The following OXSR1 variants were observed in gnomAD, a reference collection of about 807,000 sequenced individuals.
The protein encoded by OXSR1 is serine/threonine-protein kinase OSR1.
Under a neutral mutation model 79.8 loss-of-function variants are expected in OXSR1, and 24 were observed. The observed-to-expected ratio is 0.30, with a 90% CI of 0.22 to 0.42. The LOEUF is 0.42. Ranked by LOEUF, OXSR1 falls within the 10% of genes least tolerant of loss-of-function variation. The pLI is 1.00. For synonymous variants in OXSR1, 226 were observed against 209.2 expected (o/e 1.08, Z -0.69); for missense variants, 430 against 618.4 (o/e 0.70, Z 3.23).
chr3:38,195,070 T>G (rs572479230), intron 3 of OXSR1, among the ~76,000 whole-genome samples: 1 of 152,336 alleles, frequency 6.6e-6, no homozygotes, highest in Admixed American at 6.5e-5. Context: ...AACTGTCATG[T>G]TGAATGTTGG....
chr3:38,245,404 A>G (rs1703119644), intron 12 of OXSR1, among the ~76,000 whole-genome samples: 2 of 152,202 alleles, frequency 1.3e-5, no homozygotes, highest in Non-Finnish European at 2.9e-5. Flanking sequence ...TTTAGTTTTA[A>G]AGCATCACAT....
chr3:38,168,932 C>T (rs892895832), intron 1 of OXSR1, among the ~76,000 whole-genome samples: 2 of 152,198 alleles, frequency 1.3e-5, no homozygotes, highest in Admixed American at 6.5e-5. Context: ...TGAGTATTCA[C>T]ATCAAGTCAC....
intron 3 of OXSR1, among the ~76,000 whole-genome samples, chr3:38,196,898 A>C (rs780450413): frequency 7.2e-5 from 11 of 152,218 alleles, no homozygotes; most frequent in Non-Finnish European, 1.2e-4. Flanking sequence ...TCCAGTAGGA[A>C]TTGGTTTTCC....
At chr3:38,251,697 G>A (rs974219797) in intron 16 of OXSR1, among the ~76,000 whole-genome samples, 1 of 152,154 alleles carries the variant, frequency 6.6e-6, no homozygotes, top group Non-Finnish European at 1.5e-5. Flanking sequence ...CACACCCAAG[G>A]TCTTTAGGAG....
chr3:38,204,816 C>G (rs1702236222), intron 4 of OXSR1, among the ~76,000 whole-genome samples: 2 of 149,742 alleles, frequency 1.3e-5, no homozygotes. Flanking sequence ...CTTGGCTGCC[C>G]CATTGGTGTC....
chr3:38,186,293 A>G (rs1334322745), intron 2 of OXSR1, among the ~76,000 whole-genome samples: 1 of 152,196 alleles, frequency 6.6e-6, no homozygotes, highest in Non-Finnish European at 1.5e-5. Flanking sequence ...TAGGAAGTTT[A>G]GTTTTATAAT....
rs1034802807 is a variant in OXSR1 at position 38,166,076 on chromosome 3, G to C, written c.70+130G>C. ...TCGTGGGGCGCTTGTGGGGCTGGGG[G>C]CTTGTAGGACGCTTGTGTCGAGGAG... is the stretch of plus-strand genomic sequence containing the variant. On this transcript the variant is annotated intron_variant, in intron 1 of 17. Coordinates refer to ENST00000311806, the MANE Select transcript of OXSR1 (RefSeq NM_005109.3). 6.0e-6 allele frequency: 5 copies of C among 826,594 alleles called. No homozygotes were observed. The Admixed American group carries it at 1.0e-4, about 17-fold the overall frequency. 51.2% of individuals were successfully genotyped at this position (826,594 alleles called of 1,614,324 possible). A position where few individuals can be genotyped will look rare whatever the true frequency, so the allele number is the denominator to read the frequency against.
chr3:38,193,348 T>G, intron 3 of OXSR1: 1 of 1,288,812 alleles, frequency 7.8e-7, no homozygotes, highest in East Asian at 5.6e-5. Flanking sequence ...GAAGCTTTGC[T>G]AACACCAACC....
intron 10 of OXSR1, among the ~76,000 whole-genome samples, chr3:38,233,741 C>T (rs1702859810): frequency 6.6e-6 from 1 of 151,546 alleles, no homozygotes; most frequent in Non-Finnish European, 1.5e-5. Flanking sequence ...AGGCAAGACC[C>T]AGACTCTACC....
At chr3:38,222,376 A>G (rs1353187103) in intron 6 of OXSR1, among the ~76,000 whole-genome samples, 2 of 152,190 alleles carry the variant, frequency 1.3e-5, no homozygotes, top group Admixed American at 1.3e-4. Flanking sequence ...CCTTGAGAAG[A>G]TAAGATTGGC....
chr3:38,217,605 G>A (rs1179609921), intron 5 of OXSR1, among the ~76,000 whole-genome samples: 1 of 152,112 alleles, frequency 6.6e-6, no homozygotes, highest in Non-Finnish European at 1.5e-5. Context: ...TTGGCTCACT[G>A]CAACCTGTGC....
intron 1 of OXSR1, among the ~76,000 whole-genome samples, chr3:38,178,489 A>G (rs1383408401): frequency 6.6e-6 from 1 of 150,682 alleles, no homozygotes; most frequent in Non-Finnish European, 1.5e-5. Context: ...ACCCAGGCGG[A>G]GTGTGGTGGG....
rs1229653539 is a variant in OXSR1 at position 38,242,742 on chromosome 3, G to A, written c.1075-1G>A. On this transcript the variant is annotated splice_acceptor_variant, in intron 11 of 17. Transcript: ENST00000311806. LOFTEE classifies it high-confidence loss of function. ...AATCATCCTTTTTGTATTTCGTTTA[G>A]TCTCCCCGAGTGAAAGAATCAATAT... 1 of 1,549,704 alleles carries A rather than the reference G, an allele frequency of 6.5e-7. No homozygotes were observed. The highest frequency in any genetic ancestry group is 1.2e-5 in the South Asian group (1 of 85,608).
Position 38,165,782 on chromosome 3 carries a change from C to A in OXSR1, c.-95C>A. On this transcript the variant is annotated 5_prime_UTR_variant, in exon 1 of 18. Coordinates refer to ENST00000311806, the MANE Select transcript of OXSR1 (RefSeq NM_005109.3). ...GAGACGATTGGTGGGGGCGCGGCGG[C>A]GGCGGCGGCGGCTGTTGGGGGTGGG... 2 of 1,107,664 alleles carry A rather than the reference C, an allele frequency of 1.8e-6. No homozygotes were observed. Among genetic ancestry groups the A allele is most frequent in the Admixed American group, 2.1e-5 (1 of 48,066 alleles). The allele number at this position is 1,107,664 out of a possible 1,614,324, so 68.6% of individuals were successfully genotyped here.
rs1701436871 is a variant in OXSR1 at position 38,165,814 on chromosome 3, C to CGCGGCGAGGAGACGA, written c.-59_-45dup. On this transcript the variant is annotated 5_prime_UTR_variant, in exon 1 of 18. Transcript: ENST00000311806. ...GGCGGCTGTTGGGGGTGGGGAGACGCGCGGCGAGGAGACGAGCGAGGTCAG... is the reference window on the plus strand; with the variant it reads ...GGCGGCTGTTGGGGGTGGGGAGACGCGCGGCGAGGAGACGAGCGGCGAGGAGACGAGCGAGGTCAG... 1 of 1,416,832 alleles carries CGCGGCGAGGAGACGA rather than the reference C, an allele frequency of 7.1e-7. No homozygotes were observed. Among genetic ancestry groups the CGCGGCGAGGAGACGA allele is most frequent in the Admixed American group, 1.9e-5 (1 of 52,062 alleles). The allele number at this position is 1,416,832 out of a possible 1,614,324, so 87.8% of individuals were successfully genotyped here. A position where few individuals can be genotyped will look rare whatever the true frequency, so the allele number is the denominator to read the frequency against.
At chr3:38,200,956 C>T (rs568469890) in intron 4 of OXSR1, among the ~76,000 whole-genome samples, 10 of 152,048 alleles carry the variant, frequency 6.6e-5, no homozygotes, top group East Asian at 3.9e-4. Flanking sequence ...TTACATGTTT[C>T]GATACATGAA....
At chr3:38,183,565 A>G (rs1014238861) in intron 2 of OXSR1, among the ~76,000 whole-genome samples, 5 of 152,134 alleles carry the variant, frequency 3.3e-5, no homozygotes, top group East Asian at 1.9e-4. Context: ...TTGCTTTTCT[A>G]TTCCCTTAAA....
In OXSR1 at chr3:38,165,626, A is replaced by G. The variant is rs1701428296; in HGVS notation, c.-251A>G. ...CGCTGCTGCTGCGGAGGCCGAGGAC[A>G]GGACGTGGGCTGGGCCGGGCAGTGC... is the stretch of plus-strand genomic sequence containing the variant. On this transcript the variant is annotated 5_prime_UTR_variant, in exon 1 of 18. Coordinates refer to ENST00000311806, the MANE Select transcript of OXSR1 (RefSeq NM_005109.3). 2 of 478,304 alleles carry G rather than the reference A, an allele frequency of 4.2e-6. No individual in the cohort carries two copies. Among genetic ancestry groups the G allele is most frequent in the Non-Finnish European group, 7.4e-6 (2 of 270,406 alleles). 29.6% of individuals were successfully genotyped at this position (478,304 alleles called of 1,614,324 possible).
intron 9 of OXSR1, among the ~76,000 whole-genome samples, 169 bp from the exon 10 acceptor site, chr3:38,230,194 CTG>C (rs892015254): frequency 6.6e-6 from 1 of 152,140 alleles, no homozygotes; most frequent in Non-Finnish European, 1.5e-5. Context: ...ATTTATGAAA[CTG>C]TGGTAGTAAC....
Sources: gnomAD v4.1 joint callset for allele counts (sites outside exome capture counted in the v4.1 genomes callset) on GRCh38, gnomAD v4.1.1 for gene constraint, MANE v1.5 for transcripts, NCBI Gene and HGNC (gene_info 2026-07-23, HGNC 2026-07-21) for gene names.